Variants in ZNF16 observed in about 807,000 individuals in gnomAD.
ZNF16 encodes zinc finger protein KOX9.
ZNF16 carries 7 observed loss-of-function variants against 9.0 expected under a neutral mutation model. That is an observed-to-expected ratio of 0.78 (90% CI 0.44 to 1.47). The LOEUF is 1.47. ZNF16 is among the 40% of genes most tolerant of loss of function. The pLI is 0.01. For synonymous variants in ZNF16, 312 were observed against 301.5 expected (o/e 1.03, Z -0.36); for missense variants, 830 against 854.2 (o/e 0.97, Z 0.35).
chr8:144,940,141 T>C (rs1423514146), intron 2 of ZNF16, among the ~76,000 whole-genome samples: 3 of 152,096 alleles, frequency 2.0e-5, no homozygotes, highest in Non-Finnish European at 4.4e-5. Flanking sequence ...TGCAGTGGCA[T>C]GATCTCAGCT....
chr8:144,949,685 A>G (rs1834045401), intron 1 of ZNF16, among the ~76,000 whole-genome samples: 1 of 152,218 alleles, frequency 6.6e-6, no homozygotes, highest in Admixed American at 6.5e-5. Flanking sequence ...AATGTTTACA[A>G]GCAGATGCTT....
chr8:144,935,074 G>C (rs1266713121), intron 2 of ZNF16, among the ~76,000 whole-genome samples: 2 of 152,118 alleles, frequency 1.3e-5, no homozygotes, highest in African/African-American at 2.4e-5. Flanking sequence ...TACGTGAGAA[G>C]GGTGAGAGAT....
intron 1 of ZNF16, 68 bp from the exon 2 acceptor site, chr8:144,946,283 G>T: frequency 7.3e-7 from 1 of 1,365,950 alleles, no homozygotes. Context: ...CCTCCCATCA[G>T]GCCGGGGTCT....
In ZNF16 at chr8:144,934,324, G is replaced by C. The variant is rs536340429; in HGVS notation, c.197-1734C>G. 7.2e-5 allele frequency among the ~76,000 whole-genome samples: 11 copies of C among 152,372 alleles called. No individual in the cohort carries two copies. In the East Asian group the frequency reaches 2.1e-3, roughly 29 times the overall value. On this transcript the variant is annotated intron_variant, in intron 2 of 2. Coordinates refer to ENST00000394909, the MANE Select transcript of ZNF16 (RefSeq NM_006958.3). ...TGCAGCTCCCTACTTCCTGGAGTCT[G>C]GGATCAGGCCTCTCCTCTCCCACAG...
chr8:144,946,662 G>GT (rs1227218604), intron 1 of ZNF16, among the ~76,000 whole-genome samples: 6 of 120,194 alleles, frequency 5.0e-5, no homozygotes, highest in African/African-American at 1.7e-4. Context: ...GTGTCCTACT[G>GT]TGGGCCTGTA....
Position 144,930,646 on chromosome 8 carries a change from T to C in ZNF16, c.*92A>G. The C allele has an allele frequency of 6.3e-6, 9 of 1,418,212 alleles. No homozygotes were observed. The highest frequency in any genetic ancestry group is 8.5e-6 in the Non-Finnish European group (9 of 1,059,800). The allele number at this position is 1,418,212 out of a possible 1,614,324, so 87.9% of individuals were successfully genotyped here. On this transcript the variant is annotated 3_prime_UTR_variant, in exon 3 of 3. Transcript: ENST00000394909. ...GTAGGCAGTGAGCTGAGTCCAGGCT[T>C]TCGGTCTGGGAAGTGGCAGAGGCTG...
At position 144,946,090 on chromosome 8, in the gene ZNF16, G is replaced by A; in HGVS notation, c.117C>T (p.His39=). Residue 39 remains histidine, a synonymous_variant, in exon 2 of 3, where the codon CAC becomes CAT. Coordinates refer to ENST00000394909, the MANE Select transcript of ZNF16 (RefSeq NM_006958.3). ...GGGTACCACAGGCTGCAGATCCAGG[G>A]TGGGTCACAGCAGGAGCATCTCTCA... ...ARVRDAPAVT[H]PGSAACGTPC... 2.5e-6 allele frequency: 4 copies of A among 1,613,168 alleles called. No individual in the cohort carries two copies. The highest frequency in any genetic ancestry group is 3.4e-6 in the Non-Finnish European group (4 of 1,179,326).
intron 2 of ZNF16, among the ~76,000 whole-genome samples, chr8:144,934,778 G>A (rs1833641227): frequency 6.6e-6 from 1 of 152,228 alleles, no homozygotes; most frequent in African/African-American, 2.4e-5. Flanking sequence ...AGGTACTTCT[G>A]TGAAGGGTCA....
Position 144,931,813 on chromosome 8 carries a change from T to G in ZNF16, c.974A>C (p.Glu325Ala). Residue 325 changes from glutamate (E) to alanine (A), a missense_variant, in exon 3 of 3, where the codon GAA becomes GCA. Transcript: ENST00000394909. ...HMSEKPYECNECGKAFRRSSN... is the reference protein window; with the variant it reads ...HMSEKPYECNACGKAFRRSSN... ...GCTCCGCCTAAAAGCCTTCCCACAT[T>G]CATTGCATTCATAGGGCTTCTCACT... The G allele has an allele frequency of 3.1e-6, 5 of 1,614,244 alleles. No homozygotes were observed. The highest frequency in any genetic ancestry group is 1.7e-5 in the Admixed American group (1 of 60,024).
intron 1 of ZNF16, 148 bp downstream of exon 1, chr8:144,950,649 A>AC (rs1022360638): frequency 8.6e-6 from 1 of 116,264 alleles, no homozygotes. Flanking sequence ...CGCTCCCACA[A>AC]CCCCCCGCGC....
chr8:144,950,189 C>T (rs997050333), intron 1 of ZNF16, among the ~76,000 whole-genome samples: 1 of 152,166 alleles, frequency 6.6e-6, no homozygotes, highest in African/African-American at 2.4e-5. Context: ...CTTTTGCTCA[C>T]ATGCTTTTTT....
chr8:144,947,622 G>T (rs1013567469), intron 1 of ZNF16, among the ~76,000 whole-genome samples: 1 of 152,200 alleles, frequency 6.6e-6, no homozygotes, highest in African/African-American at 2.4e-5. Flanking sequence ...AGCACCCACA[G>T]CAGGTGTTCC....
intron 2 of ZNF16, among the ~76,000 whole-genome samples, chr8:144,937,503 T>C (rs1020455905): frequency 7.1e-6 from 1 of 140,200 alleles, no homozygotes; most frequent in Non-Finnish European, 1.5e-5. Context: ...AATTTATTTA[T>C]TTTTTTCTTT....
intron 1 of ZNF16, among the ~76,000 whole-genome samples, chr8:144,949,931 T>C (rs75385346): frequency 2.0e-5 from 3 of 152,020 alleles, no homozygotes; most frequent in African/African-American, 7.3e-5. Flanking sequence ...GCAGTTGAGA[T>C]AGAGGAAGGC....
At chr8:144,946,390 G>C (rs1383516287) in intron 1 of ZNF16, among the ~76,000 whole-genome samples, 175 bp from the exon 2 acceptor site, 1 of 152,186 alleles carries the variant, frequency 6.6e-6, no homozygotes, top group Non-Finnish European at 1.5e-5. Flanking sequence ...CCTAAAAAGA[G>C]GGAGTCAGCC....
At position 144,932,350 on chromosome 8, in the gene ZNF16, C is replaced by A. The variant is rs996427319; in HGVS notation, c.437G>T (p.Gly146Val). The change falls in exon 3 of 3, where the codon GGC (glycine) becomes GTC (valine). Residue 146 changes from glycine to valine, a missense_variant. By Grantham distance (109) the Gly-to-Val change is moderately radical. Transcript: ENST00000394909. This position sits in a 1 kb window ranked among gnomAD's most constrained non-coding sequence, Gnocchi z 5.0. The stretch of plus-strand genomic sequence containing the variant: ...GTCCAGATCTTTCTCCCCTAAGGGG[C>A]CCCTAAGGAGCCCCATGGCAGCTGG... ...FTPAAMGLLRGPLGEKDLDCN... is the reference protein window; with the variant it reads ...FTPAAMGLLRVPLGEKDLDCN... 1 of 1,614,062 alleles carries A rather than the reference C, an allele frequency of 6.2e-7. No individual in the cohort carries two copies. The highest frequency in any genetic ancestry group is 8.5e-7 in the Non-Finnish European group (1 of 1,180,044).
rs58274217 is a variant in ZNF16, at chr8:144,939,595, C to CAA, written c.196+6414_196+6415dup. Among the ~76,000 whole-genome samples, 401 of 57,342 alleles carry CAA rather than the reference C, an allele frequency of 7.0e-3. 9 individuals carry two copies. The highest frequency in any genetic ancestry group is 9.8e-3 in the Non-Finnish European group (280 of 28,610). The allele number at this position is 57,342 out of a possible 152,430, so 37.6% of individuals were successfully genotyped here. ...TGAGGAACAGAGCGAGACTCCGTCT[C>CAA]AAAAAAAAAAAAAAAAAAAAAAAAA... On this transcript the variant is annotated intron_variant, in intron 2 of 2. Transcript: ENST00000394909.
At chr8:144,944,642 G>C (rs954526160) in intron 2 of ZNF16, 1 of 152,140 alleles carries the variant, frequency 6.6e-6, no homozygotes, top group Non-Finnish European at 1.5e-5. Flanking sequence ...TTTTTCCTTT[G>C]AATGGGACAT....
rs891800622 is a variant in ZNF16, at chr8:144,950,868, C to G, written c.-81G>C. The G allele has an allele frequency of 1.1e-4, 17 of 152,302 alleles. No individual in the cohort carries two copies. Among genetic ancestry groups the G allele is most frequent in the African/African-American group, 4.1e-4 (17 of 41,458 alleles). The allele number at this position is 152,302 out of a possible 1,614,324, so 9.4% of individuals were successfully genotyped here. ...CGTCTCAGCCAACGCCGGCTGACCC[C>G]CGGAAGTCCCGCCCCGAATTCCGGC... On this transcript the variant is annotated 5_prime_UTR_variant, in exon 1 of 3. Transcript: ENST00000394909.
Sources: gnomAD v4.1 joint callset for allele counts (sites outside exome capture counted in the v4.1 genomes callset) on GRCh38, gnomAD v4.1.1 for gene constraint, Gnocchi (gnomAD v3.1) non-coding constraint, MANE v1.5 for transcripts, NCBI Gene and HGNC (gene_info 2026-07-23, HGNC 2026-07-21) for gene names.